ELFN2: variants seen among roughly 807,000 people sequenced by gnomAD.
ELFN2 encodes the protein extracellular leucine rich repeat and fibronectin type III domain containing 2.
Under a neutral mutation model 45.5 loss-of-function variants are expected in ELFN2, and 17 were observed. The observed-to-expected ratio is 0.37, with a 90% CI of 0.26 to 0.56. The LOEUF is 0.56. ELFN2 is among the 20% of genes least tolerant of loss of function. The pLI is 0.77. For synonymous variants in ELFN2, 550 were observed against 551.5 expected, an observed-to-expected ratio of 1.00 and a Z score of 0.04; for missense variants, 922 against 1,183.2, an observed-to-expected ratio of 0.78 and a Z score of 3.24.
chr22:37,387,545 A>C (rs1931981220), intron 2 of ELFN2, among the ~76,000 whole-genome samples: 1 of 152,028 alleles, frequency 6.6e-6, no homozygotes, highest in African/African-American at 2.4e-5. Flanking sequence ...AAGATGCAGG[A>C]GCTGACCCTC....
At chr22:37,345,393 C>T (rs1042922531) in intron 1 of ELFN2, among the ~76,000 whole-genome samples, 1 of 152,168 alleles carries the variant, frequency 6.6e-6, no homozygotes, top group African/African-American at 2.4e-5. Context: ...CTCCACTTCT[C>T]TGAGCCTTAG....
downstream of ELFN2, among the ~76,000 whole-genome samples, chr22:37,367,337 G>C (rs1274285444): frequency 1.3e-5 from 2 of 152,232 alleles, no homozygotes; most frequent in Non-Finnish European, 2.9e-5. Context: ...AGCAGCAGAA[G>C]CCCCGAAGGA....
intron 2 of ELFN2, among the ~76,000 whole-genome samples, chr22:37,383,911 G>T (rs540770750): frequency 6.6e-6 from 1 of 152,126 alleles, no homozygotes; most frequent in Non-Finnish European, 1.5e-5. Flanking sequence ...CCGCTGAGCC[G>T]CAGTGTGACC....
At chr22:37,388,395 A>G (rs1218981988) in intron 2 of ELFN2, among the ~76,000 whole-genome samples, 1 of 152,138 alleles carries the variant, frequency 6.6e-6, no homozygotes, top group Admixed American at 6.5e-5. Flanking sequence ...TTCCCCGAGG[A>G]AGGGTCCTGC....
chr22:37,347,696 C>A (rs1207535903), intron 1 of ELFN2, among the ~76,000 whole-genome samples: 2 of 151,948 alleles, frequency 1.3e-5, no homozygotes, highest in Non-Finnish European at 2.9e-5. Context: ...TCAGTGGCTG[C>A]AGTCTCTCAT....
At chr22:37,341,514 G>C (rs1056432239) in intron 2 of ELFN2, among the ~76,000 whole-genome samples, 1 of 152,200 alleles carries the variant, frequency 6.6e-6, no homozygotes, top group East Asian at 1.9e-4. Context: ...CTGGTGTGCT[G>C]TGCGGCCCTG....
intron 2 of ELFN2, among the ~76,000 whole-genome samples, chr22:37,414,488 C>T (rs546935536): frequency 1.3e-5 from 2 of 152,326 alleles, no homozygotes; most frequent in South Asian, 4.1e-4. Flanking sequence ...TAAACAGCAG[C>T]TGTGAGCATT....
chr22:37,384,036 T>C (rs1445774368), intron 2 of ELFN2, among the ~76,000 whole-genome samples: 1 of 152,116 alleles, frequency 6.6e-6, no homozygotes, highest in Non-Finnish European at 1.5e-5. Context: ...CCCTGTCACC[T>C]GCCCACCGTG....
downstream of ELFN2, among the ~76,000 whole-genome samples, chr22:37,364,519 A>G (rs778018306): frequency 4.6e-5 from 7 of 152,158 alleles, no homozygotes; most frequent in African/African-American, 7.2e-5. Context: ...GCCCTGGGTC[A>G]TCCCAGAGGG....
chr22:37,354,547 A>ACT (rs1930904571), intron 1 of ELFN2: 1 of 151,834 alleles, frequency 6.6e-6, no homozygotes, highest in Non-Finnish European at 1.5e-5. Context: ...AAAAAGAAAC[A>ACT]CACACACACA....
chr22:37,372,867 T>C lies in ELFN2; in HGVS notation c.*205A>G, dbSNP rs1931412496. 3.4e-6 allele frequency: 2 copies of C among 590,898 alleles called. No individual in the cohort carries two copies. Among genetic ancestry groups the C allele is most frequent in the Admixed American group, 3.3e-5 (1 of 30,602 alleles). 36.6% of individuals were successfully genotyped at this position (590,898 alleles called of 1,614,324 possible). A position where few individuals can be genotyped will look rare whatever the true frequency, so the allele number is the denominator to read the frequency against. On this transcript the variant is annotated 3_prime_UTR_variant, in exon 3 of 3. Transcript: ENST00000402918. The surrounding 1 kb of genome is among the most constrained non-coding windows in gnomAD (Gnocchi z 4.4). Reference sequence around the variant, plus strand: ...ACTTTAAGGAAAATGTGTCTCTGTTTTCCTGTCCGTTATTGTCGGATGTTG... The same window carrying C: ...ACTTTAAGGAAAATGTGTCTCTGTTCTCCTGTCCGTTATTGTCGGATGTTG...
At chr22:37,356,957 G>A (rs1165975046) in intron 1 of ELFN2, among the ~76,000 whole-genome samples, 3 of 152,170 alleles carry the variant, frequency 2.0e-5, no homozygotes, top group East Asian at 1.9e-4. Context: ...ATAGGCAGAG[G>A]AACAAATAAC....
chr22:37,423,611 C>T (rs1460689163), intron 1 of ELFN2, among the ~76,000 whole-genome samples: 3 of 152,150 alleles, frequency 2.0e-5, no homozygotes, highest in Non-Finnish European at 4.4e-5. Context: ...AAACGAATGC[C>T]GCCCATAAAG....
chr22:37,357,129 AG>A (rs11358497), intron 1 of ELFN2, among the ~76,000 whole-genome samples: 45,554 of 151,942 alleles, frequency 0.3, 7,079 homozygotes, highest in Middle Eastern at 0.42. Context: ...CTGCCCCATA[AG>A]GGCTGCTGGA....
At position 37,351,217 on chromosome 22, in the gene ELFN2, T is replaced by C. The variant is rs73410224; in HGVS notation, n.149-8514A>G. On this transcript the variant is annotated intron_variant and non_coding_transcript_variant, in intron 1 of 2. Transcript: ENST00000452946. ...CCCATCTCTTCCTCTCCCTCTTCTC[T>C]CTTCTCTCCCTCCTCCTCACTGTCT... is the stretch of plus-strand genomic sequence containing the variant. Among the ~76,000 whole-genome samples the C allele has an allele frequency of 9.9e-3, 1,459 of 148,054 alleles. 41 individuals are homozygous for C. The highest frequency in any genetic ancestry group is 0.034 in the African/African-American group (1,370 of 40,758).
At chr22:37,413,141 A>T (rs1932693072) in intron 2 of ELFN2, among the ~76,000 whole-genome samples, 1 of 152,174 alleles carries the variant, frequency 6.6e-6, no homozygotes. Flanking sequence ...AGAGGTGCTC[A>T]GTCCAAACTG....
chr22:37,368,910 C>T lies in ELFN2; in HGVS notation c.*4162G>A, dbSNP rs1342509726. Reference sequence around the variant, plus strand: ...CCCACCCACCCACCCACCCTTCTGGCTCCTCTTGTCATTCACAGCTTGGCT... The same window carrying T: ...CCCACCCACCCACCCACCCTTCTGGTTCCTCTTGTCATTCACAGCTTGGCT... On this transcript the variant is annotated 3_prime_UTR_variant, in exon 3 of 3. Transcript: ENST00000402918. 1 of 146,776 alleles carries T rather than the reference C, an allele frequency of 6.8e-6. No homozygotes were observed. The highest frequency in any genetic ancestry group is 6.8e-5 in the Admixed American group (1 of 14,682). The allele number at this position is 146,776 out of a possible 1,614,324, so 9.1% of individuals were successfully genotyped here. A position where few individuals can be genotyped will look rare whatever the true frequency, so the allele number is the denominator to read the frequency against.
At chr22:37,377,824 C>T (rs1326894288) in intron 2 of ELFN2, among the ~76,000 whole-genome samples, 1 of 152,218 alleles carries the variant, frequency 6.6e-6, no homozygotes, top group Non-Finnish European at 1.5e-5. Flanking sequence ...CTTGGCTGTG[C>T]TATGCAAAGG....
chr22:37,404,942 T>G, intron 2 of ELFN2, among the ~76,000 whole-genome samples: 1 of 152,160 alleles, frequency 6.6e-6, no homozygotes, highest in East Asian at 1.9e-4. Context: ...CCCAGATCCT[T>G]AGCTGAGCCC....
Sources: allele counts gnomAD v4.1 joint callset (sites outside exome capture counted in the v4.1 genomes callset), GRCh38; gene constraint gnomAD v4.1.1; non-coding constraint Gnocchi (gnomAD v3.1); transcripts MANE v1.5; gene names NCBI Gene and HGNC (gene_info 2026-07-23, HGNC 2026-07-21).